The following GLI3 variants were observed in gnomAD, a reference collection of about 807,000 sequenced individuals.
The protein encoded by GLI3 is transcription activator GLI3.
Under a neutral mutation model 100.8 loss-of-function variants are expected in GLI3, and 20 were observed. That is an observed-to-expected ratio of 0.20 (90% CI 0.14 to 0.29). The LOEUF (loss-of-function observed/expected upper bound fraction) is 0.29. GLI3 is among the 10% of genes least tolerant of loss of function. GLI3 has a pLI of 1.00. For missense variants in GLI3, 2,040 were observed against 2,128.5 expected (o/e 0.96, Z 0.82); for synonymous variants, 938 against 860.5 (o/e 1.09, Z -1.58).
chr7:42,186,696 T>C (rs185652939), intron 2 of GLI3, among the ~76,000 whole-genome samples: 20 of 152,322 alleles, frequency 1.3e-4, no homozygotes, highest in Non-Finnish European at 1.5e-5. Flanking sequence ...TAAATAAACC[T>C]AGACAAACAT....
chr7:41,964,571 C>T lies in GLI3; in HGVS notation c.4502G>A (p.Gly1501Glu), dbSNP rs1319000825. The change falls in exon 15 of 15, where the codon GGG becomes GAG. Residue 1501 changes from glycine (G) to glutamate (E), a missense_variant. Around this residue, in one of 5 missense-constraint regions of GLI3, gnomAD observed 1,041 missense variants for 924.0 expected, o/e 1.13. Coordinates refer to ENST00000395925, the MANE Select transcript of GLI3 (RefSeq NM_000168.6). ...VDSLDSHDLEGVQIDFDAIID... is the reference protein window; with the variant it reads ...VDSLDSHDLEEVQIDFDAIID... ...GATGGCATCGAAGTCAATCTGTACC[C>T]CTTCCAGGTCATGGCTGTCGAGGCT... The T allele has an allele frequency of 3.1e-6, 5 of 1,613,938 alleles. No individual in the cohort carries two copies. In the South Asian group the frequency reaches 4.4e-5, roughly 14 times the overall value.
At chr7:42,155,137 A>C (rs1786970133) in intron 2 of GLI3, among the ~76,000 whole-genome samples, 1 of 152,150 alleles carries the variant, frequency 6.6e-6, no homozygotes, top group Non-Finnish European at 1.5e-5. Flanking sequence ...AAGGAGAGAA[A>C]GTAGAAAATG....
intron 3 of GLI3, among the ~76,000 whole-genome samples, chr7:42,116,296 T>C (rs1741723465): frequency 6.6e-6 from 1 of 152,090 alleles, no homozygotes; most frequent in South Asian, 2.1e-4. Flanking sequence ...TGTGATTTAA[T>C]TTATGTGATG....
chr7:42,115,133 C>CTTTTTTTTTT (rs56200386), intron 3 of GLI3, among the ~76,000 whole-genome samples: 1 of 99,630 alleles, frequency 1.0e-5, no homozygotes. Flanking sequence ...AATTTTCCTA[C>CTTTTTTTTTT]TTTTTTTTTT....
intron 10 of GLI3, among the ~76,000 whole-genome samples, chr7:41,993,232 G>A (rs73099029): frequency 0.029 from 4,424 of 152,230 alleles, 102 homozygotes; most frequent in Non-Finnish European, 0.038. Context: ...GGGAGACAGA[G>A]CAGAGCCAGG....
chr7:42,031,697 T>C (rs1413282239), intron 7 of GLI3, among the ~76,000 whole-genome samples: 2 of 152,214 alleles, frequency 1.3e-5, no homozygotes, highest in Non-Finnish European at 2.9e-5. Context: ...GGTTGTTAGA[T>C]AGCTTACTAA....
intron 10 of GLI3, among the ~76,000 whole-genome samples, chr7:41,995,750 A>G (rs1489675516): frequency 1.3e-5 from 2 of 152,188 alleles, no homozygotes; most frequent in African/African-American, 4.8e-5. Flanking sequence ...AATGAGATGA[A>G]GAAAAGAAAG....
chr7:42,048,794 G>T (rs1784297837), intron 4 of GLI3, 98 bp from the exon 5 acceptor site: 3 of 822,406 alleles, frequency 3.6e-6, no homozygotes, highest in African/African-American at 1.7e-5. Context: ...GATTTTAAGT[G>T]AATTCAAAGG....
At chr7:42,262,112 C>T (rs931878883) in intron 1 of GLI3, among the ~76,000 whole-genome samples, 1 of 151,410 alleles carries the variant, frequency 6.6e-6, no homozygotes, top group African/African-American at 2.4e-5. Context: ...GGCTGGAGCG[C>T]AGAGGTGCAA....
rs55872291 is a variant in GLI3 at position 42,045,555 on chromosome 7, G to A, written c.680-25C>T. The A allele has an allele frequency of 2.0e-3, 3,289 of 1,612,052 alleles. 7 individuals are homozygous for A. The highest frequency in any genetic ancestry group is 2.5e-3 in the Non-Finnish European group (2,968 of 1,178,950). ...GCTAGGAGGAGACAAGAGATGTATG[G>A]TTACTAGCGAAAGAAGGTCAACTAG... On this transcript the variant is annotated intron_variant, in intron 5 of 14. Transcript: ENST00000395925.
At chr7:42,101,668 TTTTA>T (rs3057240) in intron 3 of GLI3, among the ~76,000 whole-genome samples, 246 of 148,066 alleles carry the variant, frequency 1.7e-3, no homozygotes, top group African/African-American at 2.5e-3. Flanking sequence ...GCTAGTATCT[TTTTA>T]TTTATTTATT....
intron 3 of GLI3, among the ~76,000 whole-genome samples, chr7:42,114,440 GAA>G (rs55738831): frequency 3.4e-5 from 5 of 145,976 alleles, no homozygotes; most frequent in African/African-American, 9.9e-5. Context: ...TTTGGCTTGG[GAA>G]AAAAAAAAAG....
chr7:42,078,865 G>A (rs1430263888), intron 3 of GLI3, among the ~76,000 whole-genome samples: 2 of 151,714 alleles, frequency 1.3e-5, no homozygotes, highest in Admixed American at 1.3e-4. Context: ...AAGTAGCTGG[G>A]ACTACAGGCG....
intron 2 of GLI3, among the ~76,000 whole-genome samples, chr7:42,217,286 G>A (rs899935448): frequency 3.3e-5 from 5 of 152,118 alleles, no homozygotes; most frequent in Non-Finnish European, 7.4e-5. Flanking sequence ...TTCAAGCCTG[G>A]CTGACCACAG....
intron 1 of GLI3, among the ~76,000 whole-genome samples, chr7:42,258,264 ATATTGTCACC>A (rs1414882707): frequency 1.3e-5 from 2 of 152,208 alleles, no homozygotes; most frequent in Non-Finnish European, 2.9e-5. Flanking sequence ...CATGAAACAA[ATATTGTCACC>A]TGTATGACCA....
chr7:42,039,971 C>T (rs1214216105), intron 7 of GLI3, 67 bp downstream of exon 7: 10 of 1,193,254 alleles, frequency 8.4e-6, no homozygotes, highest in African/African-American at 1.5e-5. Flanking sequence ...AAATGCATCA[C>T]TACAGGTGCA....
At chr7:42,022,355 G>A (rs846275) in intron 10 of GLI3, among the ~76,000 whole-genome samples, 136,964 of 152,100 alleles carry the variant, frequency 0.9, 61,705 homozygotes, top group East Asian at 0.99. Context: ...CCTATGAAAC[G>A]TGTGGGATGT....
chr7:42,145,331 T>C (rs1307718402), intron 3 of GLI3: 3 of 381,378 alleles, frequency 7.9e-6, no homozygotes, highest in Admixed American at 4.5e-5. Flanking sequence ...TTTATGTTCC[T>C]GCATGTATTA....
intron 10 of GLI3, among the ~76,000 whole-genome samples, chr7:41,983,850 T>G (rs997335601): frequency 2.6e-5 from 4 of 152,136 alleles, no homozygotes; most frequent in Admixed American, 6.5e-5. Context: ...CAATTGGGGC[T>G]CCAAGCATTA....
Sources: gnomAD v4.1 joint callset for allele counts (sites outside exome capture counted in the v4.1 genomes callset) on GRCh38, gnomAD v4.1.1 for gene constraint, gnomAD v4.1.1 regional missense constraint, MANE v1.5 for transcripts, NCBI Gene and HGNC (gene_info 2026-07-23, HGNC 2026-07-21) for gene names.